PINX1: variants seen among roughly 807,000 people sequenced by gnomAD.
PINX1 encodes PIN2/TERF1-interacting telomerase inhibitor 1.
Under a neutral mutation model 25.4 loss-of-function variants are expected in PINX1, and 34 were observed. The ratio of observed to expected loss-of-function variants is 1.34; its 90% CI spans 1.02 to 1.78. The LOEUF (loss-of-function observed/expected upper bound fraction) is 1.78. Among genes scored for constraint, PINX1 ranks in the 40% most tolerant of loss-of-function variants. PINX1 has a pLI of 0.00. For synonymous variants in PINX1, 197 were observed against 147.7 expected (o/e 1.33, Z -2.42); for missense variants, 592 against 404.9 (o/e 1.46, Z -3.97).
At chr8:10,829,911 C>T (rs1018230452) in intron 4 of PINX1, among the ~76,000 whole-genome samples, 1 of 152,018 alleles carries the variant, frequency 6.6e-6, no homozygotes, top group Non-Finnish European at 1.5e-5. Context: ...CTCAAACTCC[C>T]GACCTCAGGT....
intron 5 of PINX1, among the ~76,000 whole-genome samples, chr8:10,824,019 G>A (rs1797957961): frequency 6.6e-6 from 1 of 152,112 alleles, no homozygotes. Context: ...CATCAACTAA[G>A]TGAATGAGTT....
intron 6 of PINX1, among the ~76,000 whole-genome samples, chr8:10,769,781 A>G (rs529591141): frequency 6.6e-6 from 1 of 152,292 alleles, no homozygotes; most frequent in African/African-American, 2.4e-5. Flanking sequence ...CCAGGTGCAA[A>G]GCCCTTGCTC....
intron 6 of PINX1, among the ~76,000 whole-genome samples, chr8:10,802,011 C>T (rs950444032): frequency 8.6e-5 from 13 of 151,958 alleles, no homozygotes; most frequent in African/African-American, 2.9e-4. Flanking sequence ...CAATGCATGC[C>T]GTACAAGTGC....
intron 6 of PINX1, among the ~76,000 whole-genome samples, chr8:10,770,129 G>A (rs560852760): frequency 6.6e-6 from 1 of 152,322 alleles, no homozygotes; most frequent in East Asian, 1.9e-4. Flanking sequence ...TAAAACCCAA[G>A]TCCAAACCTT....
At chr8:10,798,114 T>G (rs1802147719) in intron 6 of PINX1, among the ~76,000 whole-genome samples, 2 of 152,206 alleles carry the variant, frequency 1.3e-5, no homozygotes, top group Admixed American at 1.3e-4. Context: ...ACACACATGT[T>G]TCTGGGATGT....
intron 5 of PINX1, among the ~76,000 whole-genome samples, chr8:10,823,987 G>C (rs555352887): frequency 6.6e-6 from 1 of 152,290 alleles, no homozygotes; most frequent in African/African-American, 2.4e-5. Context: ...GACGATACAT[G>C]AGTTGCAATA....
At chr8:10,783,688 C>T (rs977896970) in intron 6 of PINX1, among the ~76,000 whole-genome samples, 5 of 152,014 alleles carry the variant, frequency 3.3e-5, no homozygotes, top group African/African-American at 9.7e-5. Flanking sequence ...ATCTGTCATG[C>T]AATAATGCTA....
intron 6 of PINX1, among the ~76,000 whole-genome samples, chr8:10,773,585 G>T (rs1801297796): frequency 6.6e-6 from 1 of 152,192 alleles, no homozygotes; most frequent in Non-Finnish European, 1.5e-5. Flanking sequence ...CTTTAGTAGA[G>T]AAATACACAG....
At chr8:10,800,085 T>C (rs1457977793) in intron 6 of PINX1, among the ~76,000 whole-genome samples, 1 of 152,220 alleles carries the variant, frequency 6.6e-6, no homozygotes, top group African/African-American at 2.4e-5. Flanking sequence ...CTGTTACTGC[T>C]AGTCTTTAGG....
chr8:10,775,822 T>TC (rs1801374971), intron 6 of PINX1, among the ~76,000 whole-genome samples: 1 of 152,140 alleles, frequency 6.6e-6, no homozygotes. Flanking sequence ...GAAATAGGGC[T>TC]CCTCAGTAAC....
At chr8:10,822,576 A>G (rs1797912082) in intron 5 of PINX1, among the ~76,000 whole-genome samples, 1 of 152,234 alleles carries the variant, frequency 6.6e-6, no homozygotes, top group Non-Finnish European at 1.5e-5. Flanking sequence ...TTGTCTAATA[A>G]TCATGATTAT....
intron 6 of PINX1, among the ~76,000 whole-genome samples, chr8:10,812,102 A>C (rs147898899): frequency 1.2e-4 from 18 of 152,254 alleles, no homozygotes; most frequent in African/African-American, 3.6e-4. Context: ...GACACTCAAC[A>C]GTTGCAGTTA....
chr8:10,831,753 T>C lies in PINX1; in HGVS notation c.223-10A>G, dbSNP rs747457267. 7 of 1,545,708 alleles carry C rather than the reference T, an allele frequency of 4.5e-6. No individual in the cohort carries two copies. The highest frequency in any genetic ancestry group is 5.3e-6 in the Non-Finnish European group (6 of 1,128,352). On this transcript the variant is annotated splice_polypyrimidine_tract_variant and intron_variant, in intron 3 of 6. Transcript: ENST00000314787. ...GGGCAATCCAGTTGTCCTGAAAATA[T>C]CAAAGAAATGAACGAGAGGTAAGCC... is the stretch of plus-strand genomic sequence containing the variant.
At chr8:10,832,549 T>G (rs1798253474) in intron 3 of PINX1, among the ~76,000 whole-genome samples, 1 of 152,200 alleles carries the variant, frequency 6.6e-6, no homozygotes, top group Admixed American at 6.5e-5. Flanking sequence ...GCTCCGCCAA[T>G]CCACTACTCA....
intron 6 of PINX1, among the ~76,000 whole-genome samples, chr8:10,818,698 A>G (rs1361394012): frequency 6.6e-6 from 1 of 151,880 alleles, no homozygotes; most frequent in African/African-American, 2.4e-5. Flanking sequence ...GGGTTATCTC[A>G]AGGTATGGGA....
At chr8:10,781,478 A>G (rs976363928) in intron 6 of PINX1, among the ~76,000 whole-genome samples, 2 of 152,224 alleles carry the variant, frequency 1.3e-5, no homozygotes, top group East Asian at 1.9e-4. Context: ...TGAAACTTAA[A>G]AAGAACTCAA....
chr8:10,776,530 G>A (rs1480011397), intron 6 of PINX1, among the ~76,000 whole-genome samples: 4 of 152,096 alleles, frequency 2.6e-5, no homozygotes, highest in South Asian at 2.1e-4. Context: ...ATTAACCTTT[G>A]GAATGTCAGC....
chr8:10,773,908 C>T (rs1801307489), intron 6 of PINX1, among the ~76,000 whole-genome samples: 1 of 152,196 alleles, frequency 6.6e-6, no homozygotes, highest in Admixed American at 6.5e-5. Flanking sequence ...GACACACTGG[C>T]CATGGAAGAT....
chr8:10,765,751 T>C lies in PINX1; in HGVS notation c.637A>G (p.Lys213Glu). The C allele has an allele frequency of 6.2e-7, 1 of 1,613,908 alleles. No homozygotes were observed. The highest frequency in any genetic ancestry group is 8.5e-7 in the Non-Finnish European group (1 of 1,179,880). The part of the protein sequence containing the change: ...SETQVERKRG[K>E]KRNKEATGKD... ...CCTGTGGCCTCTTTATTTCTTTTCT[T>C]CCCCCTTTTACGTTCCACCTGCGTC... The change falls in exon 7 of 7, where the codon AAG becomes GAG. Residue 213 changes from lysine to glutamate, a missense_variant. Lys to Glu is a moderately conservative substitution (Grantham distance 56, BLOSUM62 1). Coordinates refer to ENST00000314787, the MANE Select transcript of PINX1 (RefSeq NM_017884.6).
Sources: gnomAD v4.1 joint callset for allele counts (sites outside exome capture counted in the v4.1 genomes callset) on GRCh38, gnomAD v4.1.1 for gene constraint, MANE v1.5 for transcripts, NCBI Gene and HGNC (gene_info 2026-07-23, HGNC 2026-07-21) for gene names.